PLIN5: variants seen among roughly 807,000 people sequenced by gnomAD.
PLIN5 encodes the protein perilipin-5.
In PLIN5, 34 loss-of-function variants were observed where a neutral mutation model predicts 32.8. The ratio of observed to expected loss-of-function variants is 1.04; its 90% CI spans 0.79 to 1.38. PLIN5 has a LOEUF of 1.38. PLIN5 is among the 40% of genes most tolerant of loss of function. The pLI is 0.00. For missense variants in PLIN5, 712 were observed against 660.5 expected (o/e 1.08, Z -0.85); for synonymous variants, 309 against 292.9 (o/e 1.05, Z -0.56).
Position 4,523,766 on chromosome 19 carries a change from C to A in PLIN5, c.1154G>T (p.Arg385Leu). 1.3e-6 allele frequency: 2 copies of A among 1,599,198 alleles called. No homozygotes were observed. Among genetic ancestry groups the A allele is most frequent in the Non-Finnish European group, 1.7e-6 (2 of 1,179,368 alleles). Reference sequence around the variant, plus strand: ...CGCCAGGTCGGGCAGGGGCTCGGGTCGCTCCACAAGGATGGGCGCGAAGGG... The same window carrying A: ...CGCCAGGTCGGGCAGGGGCTCGGGTAGCTCCACAAGGATGGGCGCGAAGGG... ...VGPFAPILVERPEPLPDLADL... is the reference protein window; with the variant it reads ...VGPFAPILVELPEPLPDLADL... Residue 385 changes from arginine to leucine, a missense_variant, in exon 8 of 8, where the codon CGA (arginine) becomes CTA (leucine). By Grantham distance (102) the Arg-to-Leu change is moderately radical. Transcript: ENST00000381848. This position sits in a 1 kb window ranked among gnomAD's most constrained non-coding sequence, Gnocchi z 5.0.
chr19:4,529,872 G>C lies in PLIN5; in HGVS notation c.257-6C>G. ...GAGGCTGTTCATAGTGGCCACTGAA[G>C]GGAGAGAGGCGGGGAGTGAGACTCG... On this transcript the variant is annotated splice_polypyrimidine_tract_variant and splice_region_variant and intron_variant, in intron 3 of 7. Transcript: ENST00000381848. 1 of 1,592,576 alleles carries C rather than the reference G, an allele frequency of 6.3e-7. No homozygotes were observed. The highest frequency in any genetic ancestry group is 8.6e-7 in the Non-Finnish European group (1 of 1,164,734).
chr19:4,534,014 C>T lies in PLIN5; in HGVS notation c.60+1G>A, dbSNP rs761179604. 2 of 1,612,456 alleles carry T rather than the reference C, an allele frequency of 1.2e-6. No homozygotes were observed. Among genetic ancestry groups the T allele is most frequent in the Non-Finnish European group, 1.7e-6 (2 of 1,179,304 alleles). On this transcript the variant is annotated splice_donor_variant, in intron 2 of 7. Coordinates refer to ENST00000381848, the MANE Select transcript of PLIN5 (RefSeq NM_001013706.3). LOFTEE classifies it high-confidence loss of function. Reference sequence around the variant, plus strand: ...TGCTCCATGGGAGGGGCAGCCCTCACCTGCTGGTCCTGCTCCCACACACTG... The same window carrying T: ...TGCTCCATGGGAGGGGCAGCCCTCATCTGCTGGTCCTGCTCCCACACACTG...
chr19:4,530,725 T>G (rs1291600020), intron 3 of PLIN5, among the ~76,000 whole-genome samples: 1 of 152,014 alleles, frequency 6.6e-6, no homozygotes, highest in Non-Finnish European at 1.5e-5. Flanking sequence ...CAGGCTGGAG[T>G]GCAGTGGTGC....
chr19:4,525,215 C>T lies in PLIN5; in HGVS notation c.721-139G>A, dbSNP rs1976786238. 1.7e-6 allele frequency: 1 copy of T among 585,990 alleles called. No individual in the cohort carries two copies. Among genetic ancestry groups the T allele is most frequent in the Non-Finnish European group, 2.9e-6 (1 of 340,784 alleles). The allele number at this position is 585,990 out of a possible 1,614,324, so 36.3% of individuals were successfully genotyped here. On this transcript the variant is annotated intron_variant, in intron 6 of 7. Transcript: ENST00000381848. This position sits in a 1 kb window ranked among gnomAD's most constrained non-coding sequence, Gnocchi z 5.6. ...AGGTTGTGCAGGGCCGTGGGGAAGA[C>T]TTGGGCTTGGACCCCAAGGGAGGTG...
Position 4,529,107 on chromosome 19 carries a change from C to T in PLIN5, c.486G>A (p.Val162=), listed in dbSNP as rs1018030581. The stretch of plus-strand genomic sequence containing the variant: ...CCTCCGTCATGGGCAGGAAGTGATC[C>T]ACCAGCTCCTCTGATTTTTCCAGTA... ...DVVLEKSEEL[V]DHFLPMTEEE... Residue 162 remains valine (V), a synonymous_variant, in exon 5 of 8, where the codon GTG becomes GTA. Transcript: ENST00000381848. The T allele has an allele frequency of 3.7e-6, 6 of 1,613,278 alleles. No individual in the cohort carries two copies. The African/African-American group carries it at 6.7e-5, about 18-fold the overall frequency.
chr19:4,523,701 A>T lies in PLIN5; in HGVS notation c.1219T>A (p.Trp407Arg). The T allele has an allele frequency of 6.2e-7, 1 of 1,604,574 alleles. No individual in the cohort carries two copies. Among genetic ancestry groups the T allele is most frequent in the Non-Finnish European group, 8.5e-7 (1 of 1,179,648 alleles). The change falls in exon 8 of 8, where the codon TGG (tryptophan) becomes AGG (arginine). Residue 407 changes from tryptophan (W) to arginine (R), a missense_variant. Trp to Arg is a moderately radical substitution (Grantham distance 101). Coordinates refer to ENST00000381848, the MANE Select transcript of PLIN5 (RefSeq NM_001013706.3). This position sits in a 1 kb window ranked among gnomAD's most constrained non-coding sequence, Gnocchi z 5.0. Reference sequence around the variant, plus strand: ...TGGGCCGGCCAGTCCAGGTGCGCCCAGCGGGGGTCAGGGCCCCCGATGACC... The same window carrying T: ...TGGGCCGGCCAGTCCAGGTGCGCCCTGCGGGGGTCAGGGCCCCCGATGACC... ...DEVIGGPDPR[W>R]AHLDWPAQQR...
intron 5 of PLIN5, among the ~76,000 whole-genome samples, chr19:4,526,489 G>C (rs1028785285): frequency 6.6e-6 from 1 of 152,186 alleles, no homozygotes; most frequent in African/African-American, 2.4e-5. Flanking sequence ...CTAACGTGCT[G>C]TGTTTACAGG....
At chr19:4,526,925 G>A (rs1044848153) in intron 5 of PLIN5, among the ~76,000 whole-genome samples, 5 of 151,356 alleles carry the variant, frequency 3.3e-5, no homozygotes, top group Admixed American at 2.6e-4. Flanking sequence ...CACAAGATAT[G>A]GTGGAAAAAA....
At chr19:4,526,655 T>C (rs1424651261) in intron 5 of PLIN5, among the ~76,000 whole-genome samples, 2 of 150,370 alleles carry the variant, frequency 1.3e-5, no homozygotes, top group Non-Finnish European at 3.0e-5. Flanking sequence ...TGAGACTAGC[T>C]TAGGCAATAC....
rs1976755218 is a variant in PLIN5, at chr19:4,523,437, C to T, written c.*91G>A. 1 of 1,413,002 alleles carries T rather than the reference C, an allele frequency of 7.1e-7. No homozygotes were observed. The highest frequency in any genetic ancestry group is 2.5e-5 in the East Asian group (1 of 39,966). 87.5% of individuals were successfully genotyped at this position (1,413,002 alleles called of 1,614,324 possible). A position where few individuals can be genotyped will look rare whatever the true frequency, so the allele number is the denominator to read the frequency against. On this transcript the variant is annotated 3_prime_UTR_variant, in exon 8 of 8. Coordinates refer to ENST00000381848, the MANE Select transcript of PLIN5 (RefSeq NM_001013706.3). This position sits in a 1 kb window ranked among gnomAD's most constrained non-coding sequence, Gnocchi z 5.0. ...CCTGATTCCAAAGAAGGGTCAAGGCCAAGGCCTCGAGCTTACGTGTGGCCA... is the reference window on the plus strand; with the variant it reads ...CCTGATTCCAAAGAAGGGTCAAGGCTAAGGCCTCGAGCTTACGTGTGGCCA...
rs562517824 is a variant in PLIN5 at position 4,529,779 on chromosome 19, G to C, written c.339+5C>G. On this transcript the variant is annotated splice_donor_5th_base_variant and intron_variant, in intron 4 of 7. Coordinates refer to ENST00000381848, the MANE Select transcript of PLIN5 (RefSeq NM_001013706.3). ...GAGGTCCCCATGTCTAGTCGTCCGG[G>C]GTACCGTCTCCGAAGGTTGCTGGAG... 6.2e-6 allele frequency: 10 copies of C among 1,611,744 alleles called. No individual in the cohort carries two copies. The highest frequency in any genetic ancestry group is 8.5e-6 in the Non-Finnish European group (10 of 1,178,390).
chr19:4,524,796 TC>T, intron 7 of PLIN5, among the ~76,000 whole-genome samples, 166 bp downstream of exon 7: 1 of 151,182 alleles, frequency 6.6e-6, no homozygotes, highest in East Asian at 1.9e-4. Context: ...TAAACCTGCC[TC>T]AGTTTCCCCC....
At chr19:4,529,315 T>G in intron 4 of PLIN5, 62 bp from the exon 5 acceptor site, 2 of 1,504,628 alleles carry the variant, frequency 1.3e-6, no homozygotes, top group Non-Finnish European at 1.8e-6. Context: ...TCTGCCACCC[T>G]AGTTCCCTGG....
chr19:4,524,040 G>T lies in PLIN5; in HGVS notation c.880C>A (p.Leu294Met). The T allele has an allele frequency of 6.8e-7, 1 of 1,480,756 alleles. No homozygotes were observed. 91.7% of individuals were successfully genotyped at this position (1,480,756 alleles called of 1,614,324 possible). A position where few individuals can be genotyped will look rare whatever the true frequency, so the allele number is the denominator to read the frequency against. Reference sequence around the variant, plus strand: ...TCCAGAGCCTCTACCGTGCCCTGCAGCTCCTGGGTCAGGCTGCGGGACAGC... The same window carrying T: ...TCCAGAGCCTCTACCGTGCCCTGCATCTCCTGGGTCAGGCTGCGGGACAGC... ...LVLSRSLTQELQGTVEALESS... is the reference protein window; with the variant it reads ...LVLSRSLTQEMQGTVEALESS... Residue 294 changes from leucine (L) to methionine (M), a missense_variant, in exon 8 of 8, where the codon CTG (leucine) becomes ATG (methionine). By Grantham distance (15) the Leu-to-Met change is conservative. Coordinates refer to ENST00000381848, the MANE Select transcript of PLIN5 (RefSeq NM_001013706.3).
Position 4,523,090 on chromosome 19 carries a change from T to TTTTTC in PLIN5, c.*437_*438insGAAAA, listed in dbSNP as rs1976750842. 6.7e-6 allele frequency: 1 copy of TTTTTC among 149,774 alleles called. No homozygotes were observed. The highest frequency in any genetic ancestry group is 6.6e-5 in the Admixed American group (1 of 15,204). The allele number at this position is 149,774 out of a possible 1,614,324, so 9.3% of individuals were successfully genotyped here. A position where few individuals can be genotyped will look rare whatever the true frequency, so the allele number is the denominator to read the frequency against. On this transcript the variant is annotated 3_prime_UTR_variant, in exon 8 of 8. Coordinates refer to ENST00000381848, the MANE Select transcript of PLIN5 (RefSeq NM_001013706.3). This position sits in a 1 kb window ranked among gnomAD's most constrained non-coding sequence, Gnocchi z 5.0. ...CCACCACACCTGGCTTTTTTTTTTT[T>TTTTTC]TTTCTTTCTTTCTAAGTAGAGACAG...
intron 3 of PLIN5, among the ~76,000 whole-genome samples, chr19:4,531,216 G>A (rs1203762453): frequency 1.3e-5 from 2 of 150,282 alleles, no homozygotes; most frequent in Admixed American, 6.6e-5. Flanking sequence ...GTCCAGGCTG[G>A]TCTTAAACTT....
At chr19:4,526,113 GC>G (rs1238974169) in intron 5 of PLIN5, among the ~76,000 whole-genome samples, 1 of 152,178 alleles carries the variant, frequency 6.6e-6, no homozygotes, top group Non-Finnish European at 1.5e-5. Flanking sequence ...ACTATGGTGG[GC>G]CCTGTTTTAC....
chr19:4,531,524 T>G, intron 3 of PLIN5, 103 bp downstream of exon 3: 1 of 1,205,684 alleles, frequency 8.3e-7, no homozygotes. Context: ...AGGCTGAAGA[T>G]GACCCCCAGG....
chr19:4,529,939 A>T lies in PLIN5; in HGVS notation c.257-73T>A. Reference sequence around the variant, plus strand: ...GATAGGGACGCAGTGAGAGTTGTAGAAGGAGGGAATGCTAGAGAGAGAAGC... The same window carrying T: ...GATAGGGACGCAGTGAGAGTTGTAGTAGGAGGGAATGCTAGAGAGAGAAGC... On this transcript the variant is annotated intron_variant, in intron 3 of 7. Transcript: ENST00000381848. The T allele has an allele frequency of 3.2e-6, 3 of 939,518 alleles. No homozygotes were observed. The East Asian group carries it at 7.5e-5, about 23-fold the overall frequency. 58.2% of individuals were successfully genotyped at this position (939,518 alleles called of 1,614,324 possible).
Sources: allele counts gnomAD v4.1 joint callset (sites outside exome capture counted in the v4.1 genomes callset), GRCh38; gene constraint gnomAD v4.1.1; non-coding constraint Gnocchi (gnomAD v3.1); transcripts MANE v1.5; gene names NCBI Gene and HGNC (gene_info 2026-07-23, HGNC 2026-07-21).